The following CPNE4 variants were observed in gnomAD, a reference collection of about 807,000 sequenced individuals.
The protein encoded by CPNE4 is copine-4.
In CPNE4, 25 loss-of-function variants were observed where a neutral mutation model predicts 67.9. The ratio of observed to expected loss-of-function variants is 0.37; its 90% CI spans 0.27 to 0.51. CPNE4 has a LOEUF of 0.51. CPNE4 is among the 20% of genes least tolerant of loss of function. The pLI is 0.93. For missense variants in CPNE4, 464 were observed against 690.8 expected, an observed-to-expected ratio of 0.67 and a Z score of 3.68; for synonymous variants, 242 against 244.9, an observed-to-expected ratio of 0.99 and a Z score of 0.11.
chr3:131,914,162 G>T (rs892004851), intron 1 of CPNE4, among the ~76,000 whole-genome samples: 1 of 152,110 alleles, frequency 6.6e-6, no homozygotes, highest in African/African-American at 2.4e-5. Context: ...TTGCATCCTA[G>T]AAAGGTACAA....
chr3:131,857,521 T>G (rs149052491), intron 2 of CPNE4, among the ~76,000 whole-genome samples: 289 of 151,764 alleles, frequency 1.9e-3, no homozygotes, highest in African/African-American at 6.7e-3. Flanking sequence ...TAGCTTGACT[T>G]TGGGGGGATA....
At chr3:131,813,650 A>G (rs1178043907) in intron 2 of CPNE4, among the ~76,000 whole-genome samples, 1 of 152,126 alleles carries the variant, frequency 6.6e-6, no homozygotes, top group Non-Finnish European at 1.5e-5. Flanking sequence ...AGTCTGAGAG[A>G]AACAGGTTAA....
At chr3:131,547,479 A>T (rs1025327994) in intron 14 of CPNE4, among the ~76,000 whole-genome samples, 1 of 141,144 alleles carries the variant, frequency 7.1e-6, no homozygotes. Flanking sequence ...AAAAAAAAAA[A>T]AAAAAAAAAA....
intron 2 of CPNE4, among the ~76,000 whole-genome samples, chr3:131,896,500 T>G (rs2088343246): frequency 6.6e-6 from 1 of 152,028 alleles, no homozygotes. Flanking sequence ...ACCACAAAGG[T>G]GAACTCTAAT....
intron 1 of CPNE4, among the ~76,000 whole-genome samples, chr3:132,004,548 T>A (rs929789699): frequency 6.6e-6 from 1 of 152,008 alleles, no homozygotes; most frequent in Non-Finnish European, 1.5e-5. Flanking sequence ...ATTTTAACAA[T>A]CTGATGAAAA....
At chr3:131,745,415 C>A (rs9871139) in intron 2 of CPNE4, among the ~76,000 whole-genome samples, 79,062 of 151,826 alleles carry the variant, frequency 0.52, 20,928 homozygotes, top group Middle Eastern at 0.6. Flanking sequence ...CAAAGCTTTA[C>A]ATTTTGAGAA....
intron 2 of CPNE4, among the ~76,000 whole-genome samples, chr3:131,791,799 T>G (rs2083729905): frequency 6.6e-6 from 1 of 152,100 alleles, no homozygotes; most frequent in South Asian, 2.1e-4. Context: ...GGCAGGTAAA[T>G]TATTGATACA....
At chr3:131,552,623 C>G in intron 12 of CPNE4, 132 bp from the exon 13 acceptor site, 1 of 652,178 alleles carries the variant, frequency 1.5e-6, no homozygotes, top group Non-Finnish European at 2.7e-6. Flanking sequence ...CAGCAGGAAC[C>G]ATTTCAAGCC....
intron 1 of CPNE4, among the ~76,000 whole-genome samples, chr3:131,945,606 T>A (rs2071529802): frequency 6.6e-6 from 1 of 152,136 alleles, no homozygotes; most frequent in Non-Finnish European, 1.5e-5. Context: ...CCAACCTTCT[T>A]CCTTCCTCTC....
At chr3:131,645,947 C>A (rs766248912) in intron 7 of CPNE4, among the ~76,000 whole-genome samples, 16 of 152,094 alleles carry the variant, frequency 1.1e-4, no homozygotes, top group Non-Finnish European at 2.2e-4. Flanking sequence ...TCAGGAGGCT[C>A]AAGAAACTAT....
chr3:131,763,517 C>T (rs1308188084), intron 2 of CPNE4, among the ~76,000 whole-genome samples: 1 of 152,098 alleles, frequency 6.6e-6, no homozygotes, highest in East Asian at 1.9e-4. Flanking sequence ...CTAATGTTCC[C>T]TGGCATAGAT....
chr3:131,600,212 C>A (rs1939125894), intron 7 of CPNE4, among the ~76,000 whole-genome samples: 1 of 152,144 alleles, frequency 6.6e-6, no homozygotes, highest in Non-Finnish European at 1.5e-5. Context: ...TGTAACATGA[C>A]TCTCCCTGGT....
rs538356409 is a variant in CPNE4 at position 131,571,472 on chromosome 3, A to G, written c.927+3599T>C. 9.9e-5 allele frequency among the ~76,000 whole-genome samples: 15 copies of G among 152,112 alleles called. 1 individual carries two copies. Among genetic ancestry groups the G allele is most frequent in the Admixed American group, 3.3e-4 (5 of 15,256 alleles). ...TGACGTGTCCAAAGCCAAATTCATC[A>G]TCTTGCCTACAGCTGCTGTTGCCTC... On this transcript the variant is annotated intron_variant, in intron 10 of 15. Coordinates refer to ENST00000429747, the MANE Select transcript of CPNE4 (RefSeq NM_130808.3).
intron 14 of CPNE4, among the ~76,000 whole-genome samples, chr3:131,549,582 G>A (rs915037706): frequency 6.6e-5 from 10 of 152,110 alleles, no homozygotes; most frequent in Non-Finnish European, 1.2e-4. Context: ...TCCATCTGTA[G>A]TATGGGTACC....
At chr3:131,911,387 G>A (rs149973141) in intron 1 of CPNE4, among the ~76,000 whole-genome samples, 37 of 152,252 alleles carry the variant, frequency 2.4e-4, no homozygotes, top group African/African-American at 8.7e-4. Context: ...GTGATACTTG[G>A]AGACAGTGAT....
At chr3:131,859,812 A>G (rs909600131) in intron 2 of CPNE4, among the ~76,000 whole-genome samples, 6 of 152,214 alleles carry the variant, frequency 3.9e-5, no homozygotes, top group African/African-American at 1.4e-4. Context: ...TTTATGCTAG[A>G]AAGAATCTCA....
chr3:131,654,890 C>T (rs1404381461), intron 7 of CPNE4, among the ~76,000 whole-genome samples: 2 of 152,118 alleles, frequency 1.3e-5, no homozygotes, highest in Non-Finnish European at 2.9e-5. Context: ...AGTCCAGTCC[C>T]CCACTGCATA....
chr3:131,625,546 A>C (rs549182049), intron 7 of CPNE4, among the ~76,000 whole-genome samples: 82 of 152,252 alleles, frequency 5.4e-4, no homozygotes, highest in African/African-American at 2.0e-3. Flanking sequence ...ACATATATCA[A>C]CTTTGGTATT....
intron 5 of CPNE4, among the ~76,000 whole-genome samples, chr3:131,693,480 A>C (rs538907628): frequency 6.6e-6 from 1 of 152,116 alleles, no homozygotes; most frequent in Admixed American, 6.6e-5. Context: ...ATTAGTTTAC[A>C]TTTTTGCAAA....
Sources: gnomAD v4.1 joint callset for allele counts (sites outside exome capture counted in the v4.1 genomes callset) on GRCh38, gnomAD v4.1.1 for gene constraint, MANE v1.5 for transcripts, NCBI Gene and HGNC (gene_info 2026-07-23, HGNC 2026-07-21) for gene names.